Variants in MRTFB observed in about 807,000 individuals in gnomAD.
The protein encoded by MRTFB is myocardin-related transcription factor B.
Under a neutral mutation model 104.2 loss-of-function variants are expected in MRTFB, and 29 were observed. The ratio of observed to expected loss-of-function variants is 0.28; its 90% CI spans 0.21 to 0.38. The LOEUF is 0.38. Ranked by LOEUF, MRTFB falls within the 10% of genes least tolerant of loss-of-function variation. The probability of loss-of-function intolerance (pLI) is 1.00; values close to 1 mark genes in which losing one functional copy is unlikely to be tolerated. For synonymous variants in MRTFB, 535 were observed against 519.5 expected (o/e 1.03, Z -0.41); for missense variants, 1,270 against 1,341.6 (o/e 0.95, Z 0.83).
At chr16:14,150,707 C>A (rs567271116) in intron 3 of MRTFB, 4 of 152,222 alleles carry the variant, frequency 2.6e-5, no homozygotes, top group Non-Finnish European at 4.4e-5. Context: ...GAACACATAT[C>A]TACAGTATTT....
chr16:14,136,032 A>G (rs536052004), intron 2 of MRTFB, among the ~76,000 whole-genome samples: 1 of 152,150 alleles, frequency 6.6e-6, no homozygotes, highest in African/African-American at 2.4e-5. Flanking sequence ...GCACTTTGGG[A>G]GGCCGAAGCG....
intron 2 of MRTFB, among the ~76,000 whole-genome samples, chr16:14,127,385 GGTAA>G (rs889642879): frequency 2.2e-4 from 33 of 152,174 alleles, no homozygotes; most frequent in Middle Eastern, 3.4e-3. Context: ...GGCCGGGTGC[GGTAA>G]GTATCTTTGT....
At chr16:14,050,712 T>C in the MRTFB span, among the ~76,000 whole-genome samples, 1 of 152,308 alleles carries the variant, frequency 6.6e-6, no homozygotes, top group African/African-American at 2.4e-5. Flanking sequence ...AGTCAGGTCC[T>C]CCTCTTCAGT....
At chr16:14,042,702 G>A in the MRTFB span, among the ~76,000 whole-genome samples, 2 of 152,098 alleles carry the variant, frequency 1.3e-5, no homozygotes, top group African/African-American at 2.4e-5. Flanking sequence ...AGAAAGGAAG[G>A]GGGGAAGAAC....
the MRTFB span, among the ~76,000 whole-genome samples, chr16:14,028,595 G>T: frequency 1.3e-5 from 2 of 152,136 alleles, no homozygotes; most frequent in South Asian, 4.2e-4. Flanking sequence ...CACAAGCCTG[G>T]GCTAAGAACT....
the MRTFB span, among the ~76,000 whole-genome samples, chr16:14,049,030 C>T: frequency 6.6e-6 from 1 of 152,136 alleles, no homozygotes; most frequent in Non-Finnish European, 1.5e-5. Flanking sequence ...TCCCAGGGGA[C>T]ATTTGGCAAT....
chr16:14,057,432 T>G, the MRTFB span, among the ~76,000 whole-genome samples: 1 of 152,152 alleles, frequency 6.6e-6, no homozygotes, highest in Non-Finnish European at 1.5e-5. Context: ...CCAACACACA[T>G]GTTGTTCCCT....
intron 1 of MRTFB, among the ~76,000 whole-genome samples, chr16:14,078,335 CT>C (rs922982598): frequency 1.3e-5 from 2 of 151,136 alleles, no homozygotes; most frequent in Admixed American, 6.6e-5. Context: ...TGACTTTGAT[CT>C]TTTTTTTTGC....
chr16:14,259,210 G>C (rs1047450326), intron 16 of MRTFB, among the ~76,000 whole-genome samples: 4 of 152,140 alleles, frequency 2.6e-5, no homozygotes, highest in African/African-American at 9.7e-5. Flanking sequence ...CGAGGCAGGT[G>C]GATCACTTGA....
At chr16:14,040,432 G>A in the MRTFB span, among the ~76,000 whole-genome samples, 14 of 151,962 alleles carry the variant, frequency 9.2e-5, no homozygotes, top group South Asian at 2.9e-3. Context: ...CCACAAAGTA[G>A]GAGTGTTTCC....
chr16:14,226,999 G>GA (rs2042033243), intron 8 of MRTFB, among the ~76,000 whole-genome samples: 1 of 151,170 alleles, frequency 6.6e-6, no homozygotes, highest in Non-Finnish European at 1.5e-5. Context: ...AAAGAAACAA[G>GA]AAAAAAACTT....
the MRTFB span, among the ~76,000 whole-genome samples, chr16:14,034,765 C>G: frequency 6.6e-6 from 1 of 152,162 alleles, no homozygotes; most frequent in African/African-American, 2.4e-5. Context: ...ATTTGATCAT[C>G]TGCAAAGACC....
chr16:14,127,696 C>T (rs1041282594), intron 2 of MRTFB, among the ~76,000 whole-genome samples: 5 of 150,304 alleles, frequency 3.3e-5, no homozygotes, highest in Non-Finnish European at 5.9e-5. Context: ...TGGCCAGTGA[C>T]CACTCCATTG....
chr16:14,243,864 G>GTGTTTTTTTTTTTTTT (rs2042889406), intron 10 of MRTFB, among the ~76,000 whole-genome samples: 1 of 124,676 alleles, frequency 8.0e-6, no homozygotes, highest in African/African-American at 3.8e-5. Flanking sequence ...CCTGTTTTGG[G>GTGTTTTTTTTTTTTTT]TTTTTTTTTT....
chr16:14,092,530 CT>C (rs2035141249), intron 2 of MRTFB, among the ~76,000 whole-genome samples: 1 of 152,076 alleles, frequency 6.6e-6, no homozygotes, highest in African/African-American at 2.4e-5. Context: ...CTTTTCTTTC[CT>C]TTTTTGTCCT....
chr16:14,250,420 T>A (rs915937338), intron 13 of MRTFB, among the ~76,000 whole-genome samples: 1 of 152,196 alleles, frequency 6.6e-6, no homozygotes, highest in Non-Finnish European at 1.5e-5. Flanking sequence ...AACTTGTGGC[T>A]CTTGATGGAG....
chr16:14,230,847 G>C (rs909667255), intron 8 of MRTFB, among the ~76,000 whole-genome samples: 2 of 151,274 alleles, frequency 1.3e-5, no homozygotes, highest in Non-Finnish European at 2.9e-5. Context: ...TGTTTATTGA[G>C]GCACTATTCA....
the MRTFB span, among the ~76,000 whole-genome samples, chr16:14,062,080 T>TTTTGC: frequency 8.7e-6 from 1 of 115,320 alleles, no homozygotes; most frequent in Non-Finnish European, 1.6e-5. Flanking sequence ...CCAGATTTTG[T>TTTTGC]TTTGTTTTGT....
intron 3 of MRTFB, among the ~76,000 whole-genome samples, chr16:14,150,445 G>A (rs752994507): frequency 2.6e-5 from 4 of 152,154 alleles, no homozygotes; most frequent in Non-Finnish European, 5.9e-5. Context: ...TTGACTGGCA[G>A]TCTTCCTTTA....
Sources: gnomAD v4.1 joint callset for allele counts (sites outside exome capture counted in the v4.1 genomes callset) on GRCh38, gnomAD v4.1.1 for gene constraint, MANE v1.5 for transcripts, NCBI Gene and HGNC (gene_info 2026-07-23, HGNC 2026-07-21) for gene names.